The following FBXO10 variants were observed in gnomAD, a reference collection of about 807,000 sequenced individuals.
FBXO10 encodes F-box only protein 10.
In FBXO10, 39 loss-of-function variants were observed where a neutral mutation model predicts 80.7. The ratio of observed to expected loss-of-function variants is 0.48; its 90% CI spans 0.37 to 0.63. The LOEUF is 0.63. FBXO10 is among the 30% of genes least tolerant of loss of function. The pLI, the probability that FBXO10 is intolerant of heterozygous loss-of-function variation, is 0.00. For missense variants in FBXO10, 1,025 were observed against 1,269.0 expected (o/e 0.81, Z 2.92); for synonymous variants, 449 against 489.6 (o/e 0.92, Z 1.09).
intron 5 of FBXO10, 135 bp from the exon 6 acceptor site, chr9:37,525,307 A>T: frequency 1.3e-6 from 1 of 775,988 alleles, no homozygotes. Context: ...GGTGGTGTGC[A>T]CCTGTAGTCC....
intron 1 of FBXO10, among the ~76,000 whole-genome samples, chr9:37,553,530 A>AT (rs1393466510): frequency 6.6e-6 from 1 of 152,190 alleles, no homozygotes; most frequent in Admixed American, 6.5e-5. Context: ...GCTAGATAGC[A>AT]TAACAGCTTC....
intron 1 of FBXO10, among the ~76,000 whole-genome samples, chr9:37,569,253 T>C (rs1323561183): frequency 6.7e-6 from 1 of 148,580 alleles, no homozygotes; most frequent in East Asian, 2.0e-4. Flanking sequence ...TCAGGTAAAG[T>C]ATAAGGCAAA....
intron 1 of FBXO10, among the ~76,000 whole-genome samples, chr9:37,548,462 T>A (rs1344332177): frequency 6.6e-6 from 1 of 152,184 alleles, no homozygotes; most frequent in Non-Finnish European, 1.5e-5. Flanking sequence ...CATGTAAACA[T>A]CATCTCCATT....
intron 1 of FBXO10, among the ~76,000 whole-genome samples, chr9:37,565,349 C>A (rs1263179159): frequency 6.6e-6 from 1 of 152,182 alleles, no homozygotes; most frequent in African/African-American, 2.4e-5. Context: ...AAAAATGTGA[C>A]CTCCAGCTAG....
At chr9:37,528,839 TG>T (rs953956731) in intron 5 of FBXO10, among the ~76,000 whole-genome samples, 2 of 152,240 alleles carry the variant, frequency 1.3e-5, no homozygotes, top group African/African-American at 4.8e-5. Context: ...CATCCCTGCC[TG>T]GGGGTACTTC....
At chr9:37,526,085 G>A (rs1821464654) in intron 5 of FBXO10, among the ~76,000 whole-genome samples, 1 of 151,810 alleles carries the variant, frequency 6.6e-6, no homozygotes, top group African/African-American at 2.4e-5. Context: ...GTGTGTATGT[G>A]TGTACATGGG....
intron 1 of FBXO10, among the ~76,000 whole-genome samples, 155 bp downstream of exon 1, chr9:37,576,056 T>A (rs1822887543): frequency 6.6e-6 from 1 of 152,038 alleles, no homozygotes; most frequent in Non-Finnish European, 1.5e-5. Flanking sequence ...CGCCTCATGG[T>A]CCTGCCAGAC....
intron 7 of FBXO10, among the ~76,000 whole-genome samples, 184 bp downstream of exon 7, chr9:37,522,641 C>A (rs572067689): frequency 6.6e-6 from 1 of 152,282 alleles, no homozygotes; most frequent in Middle Eastern, 3.4e-3. Flanking sequence ...TCAATCTGGA[C>A]TACAATGTGA....
chr9:37,514,682 A>C (rs1018368602), intron 10 of FBXO10, among the ~76,000 whole-genome samples: 1 of 152,036 alleles, frequency 6.6e-6, no homozygotes, highest in African/African-American at 2.4e-5. Context: ...AAAAACACAA[A>C]AATCAGCCGG....
intron 1 of FBXO10, among the ~76,000 whole-genome samples, chr9:37,550,057 T>C (rs1424219850): frequency 6.6e-6 from 1 of 152,110 alleles, no homozygotes; most frequent in African/African-American, 2.4e-5. Flanking sequence ...TATAAGAAGA[T>C]TTTATAATTC....
At chr9:37,543,478 T>C (rs906747091) in intron 1 of FBXO10, among the ~76,000 whole-genome samples, 1 of 152,136 alleles carries the variant, frequency 6.6e-6, no homozygotes, top group African/African-American at 2.4e-5. Context: ...TGGTGATCAT[T>C]TTCCCCAGGC....
chr9:37,539,024 C>T (rs1220489335), intron 2 of FBXO10, among the ~76,000 whole-genome samples: 1 of 152,172 alleles, frequency 6.6e-6, no homozygotes, highest in Admixed American at 6.5e-5. Flanking sequence ...GGCCCACTCA[C>T]TCTCTATTCC....
At chr9:37,519,544 G>T (rs1217719560) in intron 8 of FBXO10, among the ~76,000 whole-genome samples, 1 of 152,128 alleles carries the variant, frequency 6.6e-6, no homozygotes, top group Non-Finnish European at 1.5e-5. Flanking sequence ...CTGCAGCAGT[G>T]TCTGGAGCCA....
intron 2 of FBXO10, among the ~76,000 whole-genome samples, chr9:37,539,415 C>T (rs913458953): frequency 9.9e-5 from 15 of 152,184 alleles, no homozygotes; most frequent in African/African-American, 3.1e-4. Context: ...AGTTGAAAAA[C>T]AATCATGGAC....
chr9:37,519,767 GTCCTC>G (rs1342227875), intron 8 of FBXO10, among the ~76,000 whole-genome samples: 11 of 152,178 alleles, frequency 7.2e-5, no homozygotes, highest in Non-Finnish European at 1.3e-4. Flanking sequence ...CCATCTCCCT[GTCCTC>G]TACCACTACC....
intron 1 of FBXO10, among the ~76,000 whole-genome samples, chr9:37,571,713 C>CTATATATATATATA (rs1822760538): frequency 3.6e-5 from 1 of 27,794 alleles, no homozygotes; most frequent in African/African-American, 1.8e-4. Context: ...GAAAAGAGAG[C>CTATATATATATATA]CATATATATA....
At chr9:37,526,057 G>A (rs1397593501) in intron 5 of FBXO10, among the ~76,000 whole-genome samples, 3 of 151,774 alleles carry the variant, frequency 2.0e-5, no homozygotes, top group Admixed American at 1.3e-4. Context: ...GAAAGGATCC[G>A]TGGCCACCTG....
chr9:37,535,887 T>C (rs1564341538), intron 3 of FBXO10: 1 of 152,244 alleles, frequency 6.6e-6, no homozygotes, highest in Non-Finnish European at 1.5e-5. Flanking sequence ...AGCCAGACTT[T>C]AACTAGAAAG....
intron 1 of FBXO10, among the ~76,000 whole-genome samples, chr9:37,557,191 G>A (rs186496503): frequency 4.0e-4 from 61 of 152,298 alleles, no homozygotes; most frequent in Admixed American, 9.8e-4. Context: ...GATGATTTAT[G>A]ATTACTTACA....
Sources: gnomAD v4.1 joint callset for allele counts (sites outside exome capture counted in the v4.1 genomes callset) on GRCh38, gnomAD v4.1.1 for gene constraint, MANE v1.5 for transcripts, NCBI Gene and HGNC (gene_info 2026-07-23, HGNC 2026-07-21) for gene names.